Variants in SNX29 observed in about 807,000 individuals in gnomAD.
SNX29 encodes sorting nexin 29, also known as sorting nexin-29.
A neutral mutation model predicts 102.1 loss-of-function variants in SNX29; 78 were observed. The ratio of observed to expected loss-of-function variants is 0.76; its 90% CI spans 0.64 to 0.92. The LOEUF (loss-of-function observed/expected upper bound fraction) is 0.92, where lower values mean the gene tolerates loss of function less well. Among genes scored for constraint, SNX29 ranks in the 40% least tolerant of loss-of-function variants. The pLI, the probability that SNX29 is intolerant of heterozygous loss-of-function variation, is 0.00. For missense variants in SNX29, 1,280 were observed against 1,061.7 expected, an observed-to-expected ratio of 1.21 and a Z score of -2.86; for synonymous variants, 580 against 414.5, an observed-to-expected ratio of 1.40 and a Z score of -4.85.
At chr16:12,486,165 T>A (rs2088220083) in intron 19 of SNX29, among the ~76,000 whole-genome samples, 1 of 152,224 alleles carries the variant, frequency 6.6e-6, no homozygotes, top group Admixed American at 6.5e-5. Flanking sequence ...CCTTCCTCTG[T>A]CTTCCGTGTT....
intron 14 of SNX29, among the ~76,000 whole-genome samples, chr16:12,260,573 G>C (rs1334651566): frequency 6.6e-6 from 1 of 152,164 alleles, no homozygotes; most frequent in Admixed American, 6.5e-5. Context: ...TGGGGTGGGG[G>C]CATCCATGTC....
intron 19 of SNX29, among the ~76,000 whole-genome samples, chr16:12,513,740 A>G (rs2089738952): frequency 6.6e-6 from 1 of 152,188 alleles, no homozygotes; most frequent in Non-Finnish European, 1.5e-5. Flanking sequence ...ATTTTCCCCA[A>G]ATTAATCAGG....
At chr16:12,419,730 GT>G (rs1335305934) in intron 18 of SNX29, among the ~76,000 whole-genome samples, 1 of 152,202 alleles carries the variant, frequency 6.6e-6, no homozygotes, top group Non-Finnish European at 1.5e-5. Context: ...GCTGACAACA[GT>G]CCTGGAAGTG....
At chr16:12,432,304 G>T (rs548460543) in intron 18 of SNX29, among the ~76,000 whole-genome samples, 13 of 152,328 alleles carry the variant, frequency 8.5e-5, no homozygotes, top group South Asian at 4.1e-4. Context: ...CTTGACCCTG[G>T]TTCTCCAGAA....
chr16:12,486,684 G>A (rs572348826), intron 19 of SNX29, among the ~76,000 whole-genome samples: 3 of 152,346 alleles, frequency 2.0e-5, no homozygotes, highest in East Asian at 1.9e-4. Context: ...CCATTTGATG[G>A]ACATTCACAT....
intron 1 of SNX29, among the ~76,000 whole-genome samples, chr16:11,997,368 G>C (rs1458477021): frequency 2.0e-5 from 3 of 152,148 alleles, no homozygotes; most frequent in Non-Finnish European, 2.9e-5. Context: ...GCCCTCAGTG[G>C]CTGCCTTGGC....
intron 3 of SNX29, among the ~76,000 whole-genome samples, chr16:12,026,240 C>T (rs1465587398): frequency 6.6e-6 from 1 of 152,196 alleles, no homozygotes; most frequent in Non-Finnish European, 1.5e-5. Context: ...AGAATCTAAG[C>T]CTGTCCTTGC....
At chr16:12,449,660 T>C (rs1251442496) in intron 18 of SNX29, among the ~76,000 whole-genome samples, 1 of 152,184 alleles carries the variant, frequency 6.6e-6, no homozygotes, top group Non-Finnish European at 1.5e-5. Flanking sequence ...GAAGTCACAA[T>C]CACTTCAGAA....
intron 15 of SNX29, among the ~76,000 whole-genome samples, chr16:12,327,619 TAGTCAC>T (rs2081160405): frequency 1.3e-5 from 2 of 152,162 alleles, no homozygotes; most frequent in African/African-American, 4.8e-5. Context: ...TCTGCAGGTA[TAGTCAC>T]ATTCTCAAGT....
At chr16:12,559,256 C>T (rs1161353572) in intron 20 of SNX29, among the ~76,000 whole-genome samples, 1 of 152,210 alleles carries the variant, frequency 6.6e-6, no homozygotes, top group South Asian at 2.1e-4. Flanking sequence ...ACCGCCTGAG[C>T]TCTGCCTGTC....
chr16:12,101,559 T>A (rs1000449752), intron 11 of SNX29, among the ~76,000 whole-genome samples: 7 of 152,038 alleles, frequency 4.6e-5, no homozygotes, highest in African/African-American at 7.2e-5. Flanking sequence ...AATTTTTGTA[T>A]TTTTACTAGA....
chr16:12,242,074 C>T (rs536772371), intron 14 of SNX29, among the ~76,000 whole-genome samples: 1 of 152,148 alleles, frequency 6.6e-6, no homozygotes, highest in Non-Finnish European at 1.5e-5. Context: ...GGAGTCAGGC[C>T]TGGGGTAAAG....
At chr16:12,027,467 C>T (rs770272356) in intron 4 of SNX29, 23 bp downstream of exon 4, 3 of 1,612,106 alleles carry the variant, frequency 1.9e-6, no homozygotes, top group African/African-American at 1.3e-5. Flanking sequence ...CTGGCTGTAG[C>T]TTGGAGGAGC....
chr16:12,393,381 GATTCATTCATTCATGCATGCATGC>G (rs2083600011), intron 16 of SNX29, among the ~76,000 whole-genome samples: 4 of 138,114 alleles, frequency 2.9e-5, no homozygotes. Context: ...CATATCTTAT[GATTCATTCATTCATGCATGCATGC>G]ATGCATGCAT....
chr16:12,235,890 G>C (rs1324815960), intron 14 of SNX29, among the ~76,000 whole-genome samples: 1 of 151,954 alleles, frequency 6.6e-6, no homozygotes, highest in African/African-American at 2.4e-5. Context: ...AGAAACCTTA[G>C]GAAACTGAAT....
chr16:12,013,487 G>GAAA (rs1567525502), intron 3 of SNX29, among the ~76,000 whole-genome samples: 63 of 6,962 alleles, frequency 9.0e-3, no homozygotes, highest in African/African-American at 0.02. Context: ...CTCTACTGGG[G>GAAA]GAAAAAAAAA....
At chr16:12,110,625 C>A (rs896051506) in intron 11 of SNX29, among the ~76,000 whole-genome samples, 1 of 152,028 alleles carries the variant, frequency 6.6e-6, no homozygotes, top group African/African-American at 2.4e-5. Flanking sequence ...GAGACAAACG[C>A]CCAGGCTTTT....
intron 18 of SNX29, among the ~76,000 whole-genome samples, chr16:12,441,058 CTG>C (rs2085778603): frequency 6.7e-6 from 1 of 149,588 alleles, no homozygotes; most frequent in South Asian, 2.1e-4. Context: ...CAAGTTTCAT[CTG>C]TGTTGTAGCA....
chr16:12,362,136 C>A (rs2082317771), intron 16 of SNX29, among the ~76,000 whole-genome samples: 1 of 152,222 alleles, frequency 6.6e-6, no homozygotes, highest in Non-Finnish European at 1.5e-5. Context: ...ATTTTAAGAA[C>A]CGTGTCTTGT....
Sources: gnomAD v4.1 joint callset for allele counts (sites outside exome capture counted in the v4.1 genomes callset) on GRCh38, gnomAD v4.1.1 for gene constraint, MANE v1.5 for transcripts, NCBI Gene and HGNC (gene_info 2026-07-23, HGNC 2026-07-21) for gene names.